SERGEF: variants seen among roughly 807,000 people sequenced by gnomAD.
SERGEF encodes secretion regulating guanine nucleotide exchange factor.
In SERGEF, 51 loss-of-function variants were observed where a neutral mutation model predicts 50.0. The ratio of observed to expected loss-of-function variants is 1.02; its 90% CI spans 0.81 to 1.29. The LOEUF is 1.29. SERGEF is among the 50% of genes most tolerant of loss of function. The pLI is 0.00. For synonymous variants in SERGEF, 205 were observed against 212.4 expected, an observed-to-expected ratio of 0.97 and a Z score of 0.30; for missense variants, 521 against 557.0, an observed-to-expected ratio of 0.94 and a Z score of 0.65.
intron 10 of SERGEF, among the ~76,000 whole-genome samples, chr11:17,834,771 G>A (rs1025333555): frequency 6.6e-6 from 1 of 152,068 alleles, no homozygotes; most frequent in African/African-American, 2.4e-5. Flanking sequence ...CCTTTTTGAG[G>A]TCCAAATCAC....
chr11:17,849,570 T>C (rs1166471634), intron 10 of SERGEF, among the ~76,000 whole-genome samples: 1 of 151,462 alleles, frequency 6.6e-6, no homozygotes, highest in Non-Finnish European at 1.5e-5. Flanking sequence ...ACCTTCTATA[T>C]CTACAGTAGT....
intron 9 of SERGEF, among the ~76,000 whole-genome samples, chr11:17,951,529 T>TA (rs1565213564): frequency 6.6e-6 from 1 of 152,192 alleles, no homozygotes; most frequent in African/African-American, 2.4e-5. Flanking sequence ...TCCCAATACT[T>TA]ACTGAGGCTA....
At chr11:17,979,354 A>G (rs746150962) in intron 8 of SERGEF, among the ~76,000 whole-genome samples, 9 of 152,190 alleles carry the variant, frequency 5.9e-5, no homozygotes, top group Non-Finnish European at 1.3e-4. Context: ...GGGGTATCCA[A>G]TGTATCTCCC....
intron 9 of SERGEF, among the ~76,000 whole-genome samples, chr11:17,899,110 C>A (rs1286168471): frequency 6.6e-6 from 1 of 152,158 alleles, no homozygotes; most frequent in Non-Finnish European, 1.5e-5. Flanking sequence ...GAAGCAGAAA[C>A]CACTATGCTC....
rs376526024 is a variant in SERGEF at position 17,959,632 on chromosome 11, A to T, written c.849T>A (p.Thr283=). 10 of 1,609,370 alleles carry T rather than the reference A, an allele frequency of 6.2e-6. No individual in the cohort carries two copies. The highest frequency in any genetic ancestry group is 8.5e-6 in the Non-Finnish European group (10 of 1,178,322). Residue 283 remains threonine, a synonymous_variant, in exon 9 of 11, where the codon ACT becomes ACA. Transcript: ENST00000265965. ...CTCGGCCCCAGGTAAACATCTTGCC[A>T]GTTTCTAAAAACAAATATTATTTGA... is the stretch of plus-strand genomic sequence containing the variant. ...GWTHLVAQTE[T]GKMFTWGRAD...
chr11:17,976,875 C>T (rs929868051), intron 8 of SERGEF, among the ~76,000 whole-genome samples: 1 of 152,224 alleles, frequency 6.6e-6, no homozygotes, highest in Non-Finnish European at 1.5e-5. Context: ...TCACTATGGA[C>T]AGATGGGGAA....
intron 6 of SERGEF, among the ~76,000 whole-genome samples, chr11:17,994,941 T>A (rs1285538526): frequency 2.0e-5 from 3 of 152,154 alleles, no homozygotes; most frequent in African/African-American, 7.2e-5. Flanking sequence ...GAAGAAGTAG[T>A]TACAAGTCTC....
intron 8 of SERGEF, 83 bp downstream of exon 8, chr11:17,988,514 C>T: frequency 7.2e-7 from 1 of 1,395,712 alleles, no homozygotes; most frequent in East Asian, 2.3e-5. Flanking sequence ...AGTAAAAAGG[C>T]TTAACCCCAA....
chr11:17,818,585 G>A (rs897880891), intron 10 of SERGEF, among the ~76,000 whole-genome samples: 2 of 152,156 alleles, frequency 1.3e-5, no homozygotes, highest in Admixed American at 1.3e-4. Flanking sequence ...GGTATATACT[G>A]CCTGAGACTT....
intron 9 of SERGEF, among the ~76,000 whole-genome samples, chr11:17,940,689 T>C (rs1013288007): frequency 1.3e-5 from 2 of 152,106 alleles, no homozygotes; most frequent in Non-Finnish European, 2.9e-5. Context: ...TCCTCCTGCC[T>C]CAGCTTCCCG....
At chr11:18,010,110 T>C in intron 1 of SERGEF, 1 of 1,260,834 alleles carries the variant, frequency 7.9e-7, no homozygotes, top group Admixed American at 2.3e-5. Context: ...AGAAGTAAAA[T>C]CTTTTAAATA....
At chr11:17,828,229 T>G (rs1160468609) in intron 10 of SERGEF, among the ~76,000 whole-genome samples, 1 of 152,214 alleles carries the variant, frequency 6.6e-6, no homozygotes, top group Non-Finnish European at 1.5e-5. Context: ...GGTATGAGTG[T>G]GTGTTTGTGG....
chr11:17,793,400 A>G (rs1420028436), intron 10 of SERGEF, among the ~76,000 whole-genome samples: 1 of 152,242 alleles, frequency 6.6e-6, no homozygotes, highest in East Asian at 1.9e-4. Flanking sequence ...ATCTTTCAGT[A>G]ATAAGCTCCT....
Position 17,884,747 on chromosome 11 carries a change from T to TA in SERGEF, c.1012-6504dup, listed in dbSNP as rs918156987. Among the ~76,000 whole-genome samples the TA allele has an allele frequency of 5.9e-5, 9 of 151,716 alleles. No homozygotes were observed. The highest frequency in any genetic ancestry group is 2.2e-4 in the African/African-American group (9 of 41,244). On this transcript the variant is annotated intron_variant, in intron 9 of 10. Coordinates refer to ENST00000265965, the MANE Select transcript of SERGEF (RefSeq NM_012139.4). This position sits in a 1 kb window ranked among gnomAD's most constrained non-coding sequence, Gnocchi z 4.6. Reference sequence around the variant, plus strand: ...TGTGTATATGTTATATATACATTTTTAAAAAAAGCACATTGTATGTATGCC... The same window carrying TA: ...TGTGTATATGTTATATATACATTTTTAAAAAAAAGCACATTGTATGTATGCC...
Position 18,010,139 on chromosome 11 carries a change from C to A in SERGEF, c.61-2063G>T, listed in dbSNP as rs1320643752. ...TTAAATATGTTTGTTTTTGAAGACA[C>A]CTGAATGAGGAAAGGTGATGTAAAA... On this transcript the variant is annotated intron_variant, in intron 1 of 10. Coordinates refer to ENST00000265965, the MANE Select transcript of SERGEF (RefSeq NM_012139.4). 3.2e-6 allele frequency: 4 copies of A among 1,236,606 alleles called. No individual in the cohort carries two copies. The African/African-American group carries it at 4.6e-5, about 14-fold the overall frequency. 76.6% of individuals were successfully genotyped at this position (1,236,606 alleles called of 1,614,324 possible). A position where few individuals can be genotyped will look rare whatever the true frequency, so the allele number is the denominator to read the frequency against.
chr11:17,882,382 G>GCAC (rs561528744), intron 9 of SERGEF, among the ~76,000 whole-genome samples: 14 of 141,422 alleles, frequency 9.9e-5, no homozygotes, highest in African/African-American at 3.8e-4. Flanking sequence ...TCATGCCACT[G>GCAC]CACTTGAGCC....
At position 17,948,446 on chromosome 11, in the gene SERGEF, C is replaced by T. The variant is rs548401426; in HGVS notation, c.1011+11024G>A. Among the ~76,000 whole-genome samples the T allele has an allele frequency of 2.2e-4, 34 of 152,290 alleles. No individual in the cohort carries two copies. In the South Asian group the frequency reaches 6.4e-3, roughly 29 times the overall value. ...GTCCTTCCCCTATTTGTTGCTCCCTCGTGCAGACCCGATCGTCAAATGATA... is the reference window on the plus strand; with the variant it reads ...GTCCTTCCCCTATTTGTTGCTCCCTTGTGCAGACCCGATCGTCAAATGATA... On this transcript the variant is annotated intron_variant, in intron 9 of 10. Coordinates refer to ENST00000265965, the MANE Select transcript of SERGEF (RefSeq NM_012139.4).
At position 17,992,974 on chromosome 11, in the gene SERGEF, T is replaced by C. The variant is rs776667756; in HGVS notation, c.642A>G (p.Ala214=). Residue 214 remains alanine, a synonymous_variant, in exon 7 of 11, where the codon GCA becomes GCG. Coordinates refer to ENST00000265965, the MANE Select transcript of SERGEF (RefSeq NM_012139.4). ...SRVTGLENSK[A]MCVLAGSDHS... ...GGTCTGAGCCAGCAAGAACACACAT[T>C]GCTTTAGAATTCTCTAGACCTACAA... The C allele has an allele frequency of 3.2e-5, 51 of 1,614,096 alleles. 1 individual carries two copies. In the South Asian group the frequency reaches 5.3e-4, roughly 17 times the overall value.
chr11:17,854,207 T>C (rs998393166), intron 10 of SERGEF, among the ~76,000 whole-genome samples: 4 of 152,100 alleles, frequency 2.6e-5, no homozygotes, highest in Admixed American at 2.6e-4. Context: ...AAAAAAACTG[T>C]AATTAAGTAG....
Sources: allele counts gnomAD v4.1 joint callset (sites outside exome capture counted in the v4.1 genomes callset), GRCh38; gene constraint gnomAD v4.1.1; non-coding constraint Gnocchi (gnomAD v3.1); transcripts MANE v1.5; gene names NCBI Gene and HGNC (gene_info 2026-07-23, HGNC 2026-07-21).